The following RARB variants were observed in gnomAD, a reference collection of about 807,000 sequenced individuals.
RARB encodes HBV-activated protein.
A neutral mutation model predicts 51.9 loss-of-function variants in RARB; 17 were observed. That is an observed-to-expected ratio of 0.33 (90% CI 0.22 to 0.49). RARB has a LOEUF of 0.49. Ranked by LOEUF, RARB falls within the 20% of genes least tolerant of loss-of-function variation. RARB has a pLI of 0.99. For synonymous variants in RARB, 215 were observed against 195.4 expected (o/e 1.10, Z -0.84); for missense variants, 369 against 550.8 (o/e 0.67, Z 3.30).
At chr3:25,380,957 C>T (rs1375465994) in intron 5 of RARB, among the ~76,000 whole-genome samples, 2 of 152,138 alleles carry the variant, frequency 1.3e-5, no homozygotes, top group African/African-American at 4.8e-5. Flanking sequence ...TTATCTACCT[C>T]GACCTTTCCA....
At chr3:25,484,628 G>T (rs1483883297) in intron 2 of RARB, among the ~76,000 whole-genome samples, 1 of 151,644 alleles carries the variant, frequency 6.6e-6, no homozygotes, top group Non-Finnish European at 1.5e-5. Flanking sequence ...CAATTTCAGT[G>T]TTTATAAAGT....
intron 1 of RARB, among the ~76,000 whole-genome samples, chr3:24,843,561 A>T (rs1575032377): frequency 1.3e-5 from 2 of 152,236 alleles, no homozygotes; most frequent in East Asian, 3.9e-4. Flanking sequence ...ATAGATTTGA[A>T]TCCAATATAT....
At chr3:25,564,712 G>T (rs978210993) in intron 3 of RARB, among the ~76,000 whole-genome samples, 8 of 152,152 alleles carry the variant, frequency 5.3e-5, no homozygotes, top group African/African-American at 1.9e-4. Flanking sequence ...TGTGGCCCTT[G>T]CCTTTCAGAT....
chr3:25,168,943 A>G (rs1440169356), intron 4 of RARB, among the ~76,000 whole-genome samples: 1 of 152,242 alleles, frequency 6.6e-6, no homozygotes, highest in Non-Finnish European at 1.5e-5. Flanking sequence ...AGAGAAGAGT[A>G]CAAGAAATGG....
intron 2 of RARB, among the ~76,000 whole-genome samples, chr3:25,465,147 T>C (rs772753578): frequency 1.7e-4 from 26 of 152,210 alleles, no homozygotes; most frequent in Admixed American, 3.9e-4. Flanking sequence ...GAATACCCCG[T>C]AGAAAAGATT....
chr3:24,877,315 T>C (rs1167825151), intron 2 of RARB, among the ~76,000 whole-genome samples: 4 of 145,480 alleles, frequency 2.7e-5, no homozygotes, highest in Non-Finnish European at 6.0e-5. Context: ...GGTCATAATT[T>C]ACATGATAGT....
intron 2 of RARB, among the ~76,000 whole-genome samples, chr3:24,991,230 C>T (rs1696902989): frequency 6.6e-6 from 1 of 152,186 alleles, no homozygotes; most frequent in Non-Finnish European, 1.5e-5. Flanking sequence ...CACCTGAGGT[C>T]AGGAGTTCAA....
intron 2 of RARB, among the ~76,000 whole-genome samples, chr3:25,484,171 G>A (rs575802306): frequency 1.3e-5 from 2 of 152,286 alleles, no homozygotes; most frequent in South Asian, 2.1e-4. Context: ...CCTTAAAGGA[G>A]GGAAAGACAT....
chr3:25,145,823 C>G (rs1700179637), intron 4 of RARB, among the ~76,000 whole-genome samples: 1 of 126,834 alleles, frequency 7.9e-6, no homozygotes, highest in Admixed American at 8.5e-5. Flanking sequence ...TGGTAAAACC[C>G]CATCTCTACT....
chr3:24,911,903 A>G (rs776962189), intron 2 of RARB, among the ~76,000 whole-genome samples: 1 of 152,214 alleles, frequency 6.6e-6, no homozygotes, highest in Non-Finnish European at 1.5e-5. Flanking sequence ...ATTCTCTCAG[A>G]AAGGCTAGGA....
intron 1 of RARB, among the ~76,000 whole-genome samples, chr3:25,445,309 C>T (rs1708880748): frequency 6.6e-6 from 1 of 152,140 alleles, no homozygotes; most frequent in African/African-American, 2.4e-5. Context: ...ATGACCAGTT[C>T]ACCACGTTGC....
At chr3:25,593,742 A>G (rs373844163) in intron 6 of RARB, 35 bp downstream of exon 6, 8 of 1,588,884 alleles carry the variant, frequency 5.0e-6, no homozygotes, top group Non-Finnish European at 4.3e-6. Flanking sequence ...ATGAAATTCC[A>G]TGAAGAACAG....
chr3:24,862,022 C>T (rs1021440603), intron 2 of RARB, among the ~76,000 whole-genome samples: 1 of 152,154 alleles, frequency 6.6e-6, no homozygotes, highest in Non-Finnish European at 1.5e-5. Context: ...GAAGTTGCTG[C>T]CTAAAGATGG....
chr3:25,203,370 C>G (rs1701446595), intron 5 of RARB, among the ~76,000 whole-genome samples: 1 of 152,138 alleles, frequency 6.6e-6, no homozygotes, highest in South Asian at 2.1e-4. Flanking sequence ...ACTGACAGGT[C>G]TTGACTCTTT....
chr3:25,320,348 C>A (rs1056657398), intron 5 of RARB, among the ~76,000 whole-genome samples: 1 of 152,058 alleles, frequency 6.6e-6, no homozygotes, highest in African/African-American at 2.4e-5. Flanking sequence ...ATATTATTTT[C>A]TCTGTAGTAG....
chr3:25,501,109 A>T (rs1334757255), intron 2 of RARB, 73 bp from the exon 3 acceptor site: 1 of 1,498,050 alleles, frequency 6.7e-7, no homozygotes, highest in African/African-American at 1.4e-5. Context: ...TAATGCATTG[A>T]TAAGGTTGGC....
chr3:25,178,869 G>A (rs1015019838), intron 5 of RARB, among the ~76,000 whole-genome samples: 1 of 152,170 alleles, frequency 6.6e-6, no homozygotes, highest in Non-Finnish European at 1.5e-5. Flanking sequence ...ACAGCTGTCT[G>A]TCTGTCTCTC....
intron 1 of RARB, among the ~76,000 whole-genome samples, chr3:25,457,482 C>T (rs984273006): frequency 6.6e-6 from 1 of 152,172 alleles, no homozygotes; most frequent in African/African-American, 2.4e-5. Context: ...TACAATAGAA[C>T]ATTTTCGTTC....
chr3:25,270,389 T>C (rs1185964399), intron 5 of RARB, among the ~76,000 whole-genome samples: 1 of 152,102 alleles, frequency 6.6e-6, no homozygotes, highest in African/African-American at 2.4e-5. Context: ...AAAAGACAAA[T>C]AGTATGTAAT....
Sources: gnomAD v4.1 joint callset for allele counts (sites outside exome capture counted in the v4.1 genomes callset) on GRCh38, gnomAD v4.1.1 for gene constraint, MANE v1.5 for transcripts, NCBI Gene and HGNC (gene_info 2026-07-23, HGNC 2026-07-21) for gene names.